NCAM2: variants seen among roughly 807,000 people sequenced by gnomAD.
NCAM2 encodes the protein neural cell adhesion molecule 2.
A neutral mutation model predicts 98.1 loss-of-function variants in NCAM2; 30 were observed. That is an observed-to-expected ratio of 0.31 (90% CI 0.23 to 0.41). The LOEUF is 0.41. Among genes scored for constraint, NCAM2 ranks in the 10% least tolerant of loss-of-function variants. NCAM2 has a pLI of 1.00. For synonymous variants in NCAM2, 368 were observed against 342.4 expected, an observed-to-expected ratio of 1.07 and a Z score of -0.83; for missense variants, 867 against 1,005.8, an observed-to-expected ratio of 0.86 and a Z score of 1.87.
chr21:21,441,854 C>T (rs1240404986), intron 12 of NCAM2, among the ~76,000 whole-genome samples: 1 of 152,064 alleles, frequency 6.6e-6, no homozygotes, highest in Non-Finnish European at 1.5e-5. Flanking sequence ...GAGAAAAAAT[C>T]AGATGGCGTA....
intron 1 of NCAM2, among the ~76,000 whole-genome samples, chr21:21,167,485 C>T (rs2067988814): frequency 6.6e-6 from 1 of 151,816 alleles, no homozygotes; most frequent in Non-Finnish European, 1.5e-5. Flanking sequence ...AAAACAAATA[C>T]ATCAATGAAA....
intron 1 of NCAM2, among the ~76,000 whole-genome samples, chr21:21,224,576 A>G (rs968333701): frequency 6.6e-6 from 1 of 152,144 alleles, no homozygotes; most frequent in African/African-American, 2.4e-5. Flanking sequence ...AATTTCACAC[A>G]ACAGTCCTCA....
intron 15 of NCAM2, among the ~76,000 whole-genome samples, chr21:21,503,192 A>G (rs1480312099): frequency 6.6e-6 from 1 of 151,936 alleles, no homozygotes; most frequent in Non-Finnish European, 1.5e-5. Context: ...CCCTACATAT[A>G]CAGATTTTCC....
At chr21:21,079,368 G>A (rs543127298) in intron 1 of NCAM2, among the ~76,000 whole-genome samples, 2 of 152,094 alleles carry the variant, frequency 1.3e-5, no homozygotes, top group African/African-American at 4.8e-5. Context: ...GAGAAGCTAT[G>A]ACAGAATTTG....
chr21:21,130,736 T>A (rs1337309742), intron 1 of NCAM2, among the ~76,000 whole-genome samples: 2 of 2,494 alleles, frequency 8.0e-4, no homozygotes, highest in Non-Finnish European at 5.8e-3. Context: ...AATTACCAAT[T>A]TTTTTTTGGT....
At chr21:21,361,976 G>T (rs1002389401) in intron 8 of NCAM2, among the ~76,000 whole-genome samples, 1 of 152,116 alleles carries the variant, frequency 6.6e-6, no homozygotes, top group African/African-American at 2.4e-5. Context: ...GGGTATTGAA[G>T]CACAGATTAT....
At chr21:21,510,441 G>A (rs1326568021) in intron 16 of NCAM2, among the ~76,000 whole-genome samples, 1 of 152,020 alleles carries the variant, frequency 6.6e-6, no homozygotes, top group East Asian at 1.9e-4. Context: ...GATTCCTGCA[G>A]TGTCTACCCT....
At chr21:21,245,948 ATAAATTTTG>A (rs1568826845) in intron 1 of NCAM2, among the ~76,000 whole-genome samples, 1 of 152,218 alleles carries the variant, frequency 6.6e-6, no homozygotes, top group Non-Finnish European at 1.5e-5. Context: ...AAATATGTCC[ATAAATTTTG>A]GATACCTGTC....
intron 1 of NCAM2, among the ~76,000 whole-genome samples, chr21:21,112,444 A>G (rs1344479768): frequency 3.3e-5 from 5 of 152,126 alleles, no homozygotes; most frequent in African/African-American, 1.2e-4. Flanking sequence ...TTCTATTACA[A>G]CTTCTATCAA....
rs565925098 is a variant in NCAM2 at position 21,069,767 on chromosome 21, G to A, written c.55+71149G>A. On this transcript the variant is annotated intron_variant, in intron 1 of 17. Coordinates refer to ENST00000400546, the MANE Select transcript of NCAM2 (RefSeq NM_004540.5). ...GCTAAAAAAGAAGGAAACCCAGACT[G>A]AATTTTACGTTTCTTATTTCCAACT... 7.2e-5 allele frequency among the ~76,000 whole-genome samples: 11 copies of A among 152,212 alleles called. No homozygotes were observed. The South Asian group carries it at 1.9e-3, about 26-fold the overall frequency.
At chr21:21,165,112 G>A (rs181903362) in intron 1 of NCAM2, among the ~76,000 whole-genome samples, 1 of 152,226 alleles carries the variant, frequency 6.6e-6, no homozygotes, top group East Asian at 1.9e-4. Context: ...TATGGATACT[G>A]TTCATTCAGG....
At chr21:21,255,657 G>A in intron 1 of NCAM2, among the ~76,000 whole-genome samples, 1 of 152,174 alleles carries the variant, frequency 6.6e-6, no homozygotes, top group African/African-American at 2.4e-5. Flanking sequence ...CTACTAGAAT[G>A]TAAATTTCAC....
chr21:21,091,226 A>G lies in NCAM2; in HGVS notation c.55+92608A>G, dbSNP rs1051438457. Among the ~76,000 whole-genome samples the G allele has an allele frequency of 2.0e-5, 3 of 152,270 alleles. No individual in the cohort carries two copies. The East Asian group carries it at 5.8e-4, about 29-fold the overall frequency. On this transcript the variant is annotated intron_variant, in intron 1 of 17. Coordinates refer to ENST00000400546, the MANE Select transcript of NCAM2 (RefSeq NM_004540.5). ...TGTTTGTTTTTATTAGTAGTACATAATTGAAGGTGATTTTATTATGTAATT... is the reference window on the plus strand; with the variant it reads ...TGTTTGTTTTTATTAGTAGTACATAGTTGAAGGTGATTTTATTATGTAATT...
chr21:21,485,593 T>G (rs1243624287), intron 15 of NCAM2, among the ~76,000 whole-genome samples: 1 of 152,230 alleles, frequency 6.6e-6, no homozygotes, highest in Non-Finnish European at 1.5e-5. Context: ...CAATTTTCAC[T>G]TAAGTAATCT....
intron 12 of NCAM2, among the ~76,000 whole-genome samples, chr21:21,455,309 A>C (rs1156856803): frequency 6.6e-6 from 1 of 151,276 alleles, no homozygotes; most frequent in Admixed American, 6.6e-5. Context: ...ATATGATTTC[A>C]TCGTTTTTAC....
At chr21:21,232,981 T>C (rs2070688199) in intron 1 of NCAM2, among the ~76,000 whole-genome samples, 1 of 151,694 alleles carries the variant, frequency 6.6e-6, no homozygotes, top group Non-Finnish European at 1.5e-5. Context: ...TCCTTTAAGA[T>C]AGAAGAACTT....
chr21:21,093,023 CT>C (rs5842884), intron 1 of NCAM2, among the ~76,000 whole-genome samples: 152,148 of 152,148 alleles, frequency 1, 76,074 homozygotes, highest in Non-Finnish European at 1. Context: ...CTTTCATAAA[CT>C]TTCGTCAAAC....
chr21:21,534,606 TG>T lies in NCAM2; in HGVS notation c.2355del (p.Ser786AlafsTer3), dbSNP rs780919192. The T allele has an allele frequency of 1.2e-6, 2 of 1,611,160 alleles. No homozygotes were observed. Among genetic ancestry groups the T allele is most frequent in the Non-Finnish European group, 1.7e-6 (2 of 1,178,200 alleles). On this transcript the variant is annotated frameshift_variant, in exon 17 of 18. Transcript: ENST00000400546. LOFTEE classifies it high-confidence loss of function. ...ATGAAAGAGTTACTAATCACGAAGA[TG>T]GGAGCCCAGTAAATGAGCCAAATGA... ...EDERVTNHED[G>X]SPVNEPNETT...
chr21:21,159,381 T>C (rs750942573), intron 1 of NCAM2, among the ~76,000 whole-genome samples: 1 of 152,150 alleles, frequency 6.6e-6, no homozygotes, highest in Non-Finnish European at 1.5e-5. Context: ...TCCTAGACAA[T>C]CTCATTCACT....
Sources: allele counts gnomAD v4.1 joint callset (sites outside exome capture counted in the v4.1 genomes callset), GRCh38; gene constraint gnomAD v4.1.1; transcripts MANE v1.5; gene names NCBI Gene and HGNC (gene_info 2026-07-23, HGNC 2026-07-21).